UGT1A5: variants seen among roughly 807,000 people sequenced by gnomAD.
The protein encoded by UGT1A5 is UDP-glucuronosyltransferase 1A5.
In UGT1A5, 29 loss-of-function variants were observed where a neutral mutation model predicts 40.3. That is an observed-to-expected ratio of 0.72 (90% CI 0.54 to 0.98). UGT1A5 has a LOEUF of 0.98. UGT1A5 is among the 50% of genes least tolerant of loss of function. UGT1A5 has a pLI of 0.00. For missense variants in UGT1A5, 678 were observed against 677.9 expected (o/e 1.00, Z 0.00); for synonymous variants, 257 against 262.5 (o/e 0.98, Z 0.20).
intron 1 of UGT1A5, among the ~76,000 whole-genome samples, chr2:233,720,962 C>T (rs370196629): frequency 1.3e-4 from 20 of 151,468 alleles, no homozygotes; most frequent in African/African-American, 2.7e-4. Flanking sequence ...CTGCCCGCCT[C>T]GGCCTCCCAA....
intron 1 of UGT1A5, among the ~76,000 whole-genome samples, chr2:233,750,429 T>C (rs1273290769): frequency 6.6e-6 from 1 of 151,918 alleles, no homozygotes; most frequent in Non-Finnish European, 1.5e-5. Flanking sequence ...GAAAAACCCA[T>C]TTTATGGGGA....
intron 1 of UGT1A5, among the ~76,000 whole-genome samples, chr2:233,766,396 G>A (rs1050069085): frequency 2.0e-5 from 3 of 152,150 alleles, no homozygotes; most frequent in East Asian, 3.9e-4. Context: ...CTGTCCTTGC[G>A]TCCCTCCGCT....
At chr2:233,741,652 T>A (rs1179014053) in intron 1 of UGT1A5, 1 of 151,932 alleles carries the variant, frequency 6.6e-6, no homozygotes, top group Non-Finnish European at 1.5e-5. Context: ...GCCAGCTGAC[T>A]GCCATGTTCC....
At chr2:233,731,284 C>CTTTTTTTTTT (rs78127606) in intron 1 of UGT1A5, among the ~76,000 whole-genome samples, 4 of 139,758 alleles carry the variant, frequency 2.9e-5, no homozygotes, top group Non-Finnish European at 3.2e-5. Context: ...GTTTTTCTTT[C>CTTTTTTTTTT]TTTTTTTTTT....
chr2:233,739,456 G>A (rs1691109479), intron 1 of UGT1A5, among the ~76,000 whole-genome samples: 1 of 152,244 alleles, frequency 6.6e-6, no homozygotes, highest in African/African-American at 2.4e-5. Flanking sequence ...CACAGGGTTG[G>A]AGCTGCCTGA....
intron 1 of UGT1A5, chr2:233,742,040 A>G (rs1442889181): frequency 6.6e-6 from 1 of 151,948 alleles, no homozygotes; most frequent in Non-Finnish European, 1.5e-5. Context: ...TCCCAAGCAT[A>G]GCAATAGGAT....
At position 233,723,536 on chromosome 2, in the gene UGT1A5, T is replaced by TTTA. The variant is rs1553611580; in HGVS notation, c.867+9678_867+9679insTTA. Among the ~76,000 whole-genome samples, 173 of 121,466 alleles carry TTTA rather than the reference T, an allele frequency of 1.4e-3. 3 individuals carry two copies. Among genetic ancestry groups the TTTA allele is most frequent in the African/African-American group, 3.3e-3 (98 of 29,940 alleles). 79.7% of individuals were successfully genotyped at this position (121,466 alleles called of 152,430 possible). A position where few individuals can be genotyped will look rare whatever the true frequency, so the allele number is the denominator to read the frequency against. On this transcript the variant is annotated intron_variant, in intron 1 of 4. Transcript: ENST00000373414. Reference sequence around the variant, plus strand: ...ACAATCTTTTTTTTTTTTTTTTTTTTAATTTATTTTTTTATTGATAATTCT... The same window carrying TTTA: ...ACAATCTTTTTTTTTTTTTTTTTTTTTTAAATTTATTTTTTTATTGATAATTCT...
intron 4 of UGT1A5, chr2:233,770,022 T>G (rs12474441): frequency 0.019 from 3,075 of 161,660 alleles, 63 homozygotes; most frequent in Admixed American, 0.065. Context: ...CTTCTTTCCC[T>G]GCACTGTTGA....
At chr2:233,748,098 A>C in intron 1 of UGT1A5, 1 of 1,612,702 alleles carries the variant, frequency 6.2e-7, no homozygotes, top group Non-Finnish European at 8.5e-7. Flanking sequence ...TCGTGCCTTC[A>C]TCCAATCAAT....
intron 1 of UGT1A5, among the ~76,000 whole-genome samples, chr2:233,726,241 T>TG (rs535893777): frequency 2.0e-4 from 31 of 152,288 alleles, no homozygotes; most frequent in African/African-American, 6.7e-4. Context: ...AACTCCAATA[T>TG]GAAAAGCTGG....
intron 1 of UGT1A5, among the ~76,000 whole-genome samples, chr2:233,761,782 A>G (rs1423318285): frequency 1.3e-5 from 2 of 152,218 alleles, no homozygotes; most frequent in African/African-American, 4.8e-5. Context: ...ATCCTCATCG[A>G]AATCTCAGCA....
At chr2:233,747,791 T>C in intron 1 of UGT1A5, 7 of 1,613,564 alleles carry the variant, frequency 4.3e-6, no homozygotes, top group Non-Finnish European at 5.9e-6. Context: ...CTTCCTCCTA[T>C]ATTCCTAAGT....
intron 1 of UGT1A5, among the ~76,000 whole-genome samples, chr2:233,728,850 A>T (rs1449608230): frequency 6.6e-6 from 1 of 152,198 alleles, no homozygotes; most frequent in East Asian, 1.9e-4. Flanking sequence ...TGGGAATTGG[A>T]TGAGAAACAA....
chr2:233,719,531 G>A (rs377261801), intron 1 of UGT1A5: 2 of 1,613,928 alleles, frequency 1.2e-6, no homozygotes, highest in Admixed American at 1.7e-5. Flanking sequence ...TTGCCTCTGA[G>A]CTTTTTCAGA....
chr2:233,768,127 A>G, intron 3 of UGT1A5, 93 bp from the exon 4 acceptor site: 1 of 1,605,192 alleles, frequency 6.2e-7, no homozygotes, highest in Admixed American at 1.7e-5. Flanking sequence ...TGTGAGTAAC[A>G]CTGAGTCTTT....
chr2:233,733,095 G>A (rs1341199680), intron 1 of UGT1A5, among the ~76,000 whole-genome samples: 1 of 152,176 alleles, frequency 6.6e-6, no homozygotes, highest in Non-Finnish European at 1.5e-5. Context: ...GTTCACTCAT[G>A]GTTTGGCTCT....
At chr2:233,760,083 G>C (rs1163366183) in intron 1 of UGT1A5, among the ~76,000 whole-genome samples, 1 of 152,198 alleles carries the variant, frequency 6.6e-6, no homozygotes, top group Non-Finnish European at 1.5e-5. Context: ...ATTCCAGCCA[G>C]TTCAACTGTT....
Position 233,758,775 on chromosome 2 carries a change from G to C in UGT1A5, c.868-8259G>C, listed in dbSNP as rs534171239. Among the ~76,000 whole-genome samples the C allele has an allele frequency of 2.6e-5, 4 of 152,252 alleles. No individual in the cohort carries two copies. In the East Asian group the frequency reaches 7.7e-4, roughly 29 times the overall value. On this transcript the variant is annotated intron_variant, in intron 1 of 4. Coordinates refer to ENST00000373414, the MANE Select transcript of UGT1A5 (RefSeq NM_019078.2). ...AGTGATGTGTATGGTTCAAATGTTGGGATCTGTGCAGTTATCTTGGAATTG... is the reference window on the plus strand; with the variant it reads ...AGTGATGTGTATGGTTCAAATGTTGCGATCTGTGCAGTTATCTTGGAATTG...
intron 1 of UGT1A5, among the ~76,000 whole-genome samples, chr2:233,764,915 C>A (rs892234743): frequency 6.6e-6 from 1 of 152,136 alleles, no homozygotes; most frequent in Non-Finnish European, 1.5e-5. Context: ...AGAGGACTCA[C>A]GAGGGCCTGG....
Sources: allele counts gnomAD v4.1 joint callset (sites outside exome capture counted in the v4.1 genomes callset), GRCh38; gene constraint gnomAD v4.1.1; transcripts MANE v1.5; gene names NCBI Gene and HGNC (gene_info 2026-07-23, HGNC 2026-07-21).